The following DOK5 variants were observed in gnomAD, a reference collection of about 807,000 sequenced individuals.
DOK5 encodes docking protein 5.
DOK5 carries 27 observed loss-of-function variants against 43.3 expected under a neutral mutation model. The observed-to-expected ratio is 0.62, with a 90% CI of 0.46 to 0.86. DOK5 has a LOEUF of 0.86. Ranked by LOEUF, DOK5 falls within the 40% of genes least tolerant of loss-of-function variation. The probability of loss-of-function intolerance (pLI) is 0.00; values close to 1 mark genes in which losing one functional copy is unlikely to be tolerated. For synonymous variants in DOK5, 146 were observed against 140.1 expected (o/e 1.04, Z -0.30); for missense variants, 373 against 392.9 (o/e 0.95, Z 0.43).
At chr20:54,532,469 T>C (rs569013694) in intron 1 of DOK5, among the ~76,000 whole-genome samples, 2 of 152,250 alleles carry the variant, frequency 1.3e-5, no homozygotes, top group African/African-American at 4.8e-5. Flanking sequence ...GGAAGATTGT[T>C]CCACATAGAT....
intron 1 of DOK5, among the ~76,000 whole-genome samples, chr20:54,553,839 G>A (rs895009950): frequency 3.7e-4 from 54 of 147,900 alleles, no homozygotes; most frequent in Non-Finnish European, 1.3e-4. Flanking sequence ...GGAGGTTGCA[G>A]TGAGCGGAGA....
At chr20:54,590,519 G>C (rs933355952) in intron 4 of DOK5, among the ~76,000 whole-genome samples, 1 of 151,848 alleles carries the variant, frequency 6.6e-6, no homozygotes, top group Non-Finnish European at 1.5e-5. Context: ...CTTTCAAGGG[G>C]GGGGAATATG....
chr20:54,522,453 C>T (rs574211294), intron 1 of DOK5, among the ~76,000 whole-genome samples: 15 of 152,018 alleles, frequency 9.9e-5, no homozygotes, highest in African/African-American at 2.4e-4. Flanking sequence ...AGTGAAAACA[C>T]GCTCCATGAG....
At chr20:54,602,012 C>A (rs571433394) in intron 5 of DOK5, among the ~76,000 whole-genome samples, 1 of 152,098 alleles carries the variant, frequency 6.6e-6, no homozygotes, top group Non-Finnish European at 1.5e-5. Context: ...CATTCCCATA[C>A]TTCTTAGTCA....
At chr20:54,491,020 A>T (rs991328363) in intron 1 of DOK5, among the ~76,000 whole-genome samples, 1 of 152,104 alleles carries the variant, frequency 6.6e-6, no homozygotes, top group Non-Finnish European at 1.5e-5. Flanking sequence ...GCAGGCTCTG[A>T]CTTCATTGTC....
chr20:54,492,331 T>C (rs1395318469), intron 1 of DOK5, among the ~76,000 whole-genome samples: 1 of 152,204 alleles, frequency 6.6e-6, no homozygotes, highest in East Asian at 1.9e-4. Context: ...TGGGTTCATA[T>C]TATACAATCC....
intron 1 of DOK5, among the ~76,000 whole-genome samples, chr20:54,517,991 G>T (rs1983258640): frequency 6.6e-6 from 1 of 152,056 alleles, no homozygotes; most frequent in Admixed American, 6.6e-5. Flanking sequence ...TGTTATAGAG[G>T]CCCAAATGGA....
rs140439172 is a variant in DOK5 at position 54,506,853 on chromosome 20, C to T, written c.66+30841C>T. Among the ~76,000 whole-genome samples the T allele has an allele frequency of 5.1e-4, 77 of 152,328 alleles. 1 individual carries two copies. Among genetic ancestry groups the T allele is most frequent in the African/African-American group, 1.7e-3 (72 of 41,586 alleles). ...GTCTTCATGGGGAGATAGAGAAACA[C>T]CTGGCGATCATACGCGAGGTCACTG... On this transcript the variant is annotated intron_variant, in intron 1 of 7. Transcript: ENST00000262593.
intron 1 of DOK5, among the ~76,000 whole-genome samples, chr20:54,547,670 G>A (rs1003173408): frequency 2.0e-5 from 3 of 152,172 alleles, no homozygotes; most frequent in African/African-American, 7.2e-5. Context: ...ATTATTCATG[G>A]ATTGGTGACA....
At chr20:54,577,953 G>T (rs1308241041) in intron 2 of DOK5, among the ~76,000 whole-genome samples, 1 of 152,208 alleles carries the variant, frequency 6.6e-6, no homozygotes, top group Non-Finnish European at 1.5e-5. Flanking sequence ...GGGAATGAAT[G>T]ATTCTTGATA....
At chr20:54,577,876 C>T (rs1150424) in intron 2 of DOK5, among the ~76,000 whole-genome samples, 151,565 of 152,318 alleles carry the variant, frequency 1, 75,406 homozygotes, top group Middle Eastern at 1. Context: ...TTAACTCACA[C>T]TGTATTGGCC....
In DOK5 at chr20:54,488,761, A is replaced by ACCCCTTTCCTCCCT. The variant is rs555118773; in HGVS notation, c.66+12754_66+12755insTTCCTCCCTCCCCT. On this transcript the variant is annotated intron_variant, in intron 1 of 7. Coordinates refer to ENST00000262593, the MANE Select transcript of DOK5 (RefSeq NM_018431.5). ...TTCCTCCCTCCCTCCCTCTTTCCCT[A>ACCCCTTTCCTCCCT]CCCCTCCCCTCCCTCCCCTCGTCCC... 6.6e-5 allele frequency among the ~76,000 whole-genome samples: 6 copies of ACCCCTTTCCTCCCT among 90,568 alleles called. 1 individual carries two copies. Among genetic ancestry groups the ACCCCTTTCCTCCCT allele is most frequent in the African/African-American group, 2.2e-4 (6 of 27,478 alleles). The allele number at this position is 90,568 out of a possible 152,430, so 59.4% of individuals were successfully genotyped here. A position where few individuals can be genotyped will look rare whatever the true frequency, so the allele number is the denominator to read the frequency against.
At chr20:54,562,027 A>G (rs1423662774) in intron 2 of DOK5, among the ~76,000 whole-genome samples, 3 of 152,198 alleles carry the variant, frequency 2.0e-5, no homozygotes, top group Non-Finnish European at 2.9e-5. Flanking sequence ...AGATGTAGTA[A>G]AATTTCCTCA....
At chr20:54,618,177 G>A (rs565678985) in intron 6 of DOK5, among the ~76,000 whole-genome samples, 2 of 152,294 alleles carry the variant, frequency 1.3e-5, no homozygotes, top group South Asian at 2.1e-4. Context: ...TCAGCATGGC[G>A]AAGTCATTTG....
At chr20:54,546,468 A>G (rs557413983) in intron 1 of DOK5, among the ~76,000 whole-genome samples, 1 of 151,780 alleles carries the variant, frequency 6.6e-6, no homozygotes, top group African/African-American at 2.4e-5. Flanking sequence ...TTACATATGT[A>G]TACATGTGCC....
intron 2 of DOK5, among the ~76,000 whole-genome samples, chr20:54,569,305 C>G (rs1162352962): frequency 2.0e-5 from 3 of 152,112 alleles, no homozygotes; most frequent in Non-Finnish European, 4.4e-5. Flanking sequence ...TATGATCACA[C>G]GAATTGCCCT....
intron 6 of DOK5, among the ~76,000 whole-genome samples, chr20:54,632,634 A>G (rs780022815): frequency 2.0e-5 from 3 of 152,228 alleles, no homozygotes; most frequent in Non-Finnish European, 2.9e-5. Flanking sequence ...ACTTTAACTC[A>G]GATTTTGTGA....
chr20:54,531,269 C>T (rs370031637), intron 1 of DOK5, among the ~76,000 whole-genome samples: 234 of 152,312 alleles, frequency 1.5e-3, no homozygotes, highest in African/African-American at 5.3e-3. Flanking sequence ...AATTCTCACT[C>T]AGGTGAATCT....
intron 1 of DOK5, among the ~76,000 whole-genome samples, chr20:54,495,845 G>A (rs538952727): frequency 1.3e-5 from 2 of 152,114 alleles, no homozygotes; most frequent in Non-Finnish European, 2.9e-5. Flanking sequence ...TCATGCCATT[G>A]CATTTCAGCC....
Sources: gnomAD v4.1 joint callset for allele counts (sites outside exome capture counted in the v4.1 genomes callset) on GRCh38, gnomAD v4.1.1 for gene constraint, MANE v1.5 for transcripts, NCBI Gene and HGNC (gene_info 2026-07-23, HGNC 2026-07-21) for gene names.